DGKB: variants seen among roughly 807,000 people sequenced by gnomAD.
DGKB encodes the protein diacylglycerol kinase beta.
A neutral mutation model predicts 114.3 loss-of-function variants in DGKB; 67 were observed. The observed-to-expected ratio is 0.59, with a 90% CI of 0.48 to 0.72. The LOEUF (loss-of-function observed/expected upper bound fraction) is 0.72, where lower values mean the gene tolerates loss of function less well. Ranked by LOEUF, DGKB falls within the 30% of genes least tolerant of loss-of-function variation. DGKB has a pLI of 0.00. For missense variants in DGKB, 907 were observed against 975.2 expected, an observed-to-expected ratio of 0.93 and a Z score of 0.93; for synonymous variants, 398 against 323.1, an observed-to-expected ratio of 1.23 and a Z score of -2.49.
chr7:14,484,372 A>T (rs935391615), intron 20 of DGKB, among the ~76,000 whole-genome samples: 1 of 152,072 alleles, frequency 6.6e-6, no homozygotes, highest in Non-Finnish European at 1.5e-5. Flanking sequence ...CCAGTGTTGG[A>T]GGTGGGGCCT....
chr7:14,191,203 T>G (rs548812124), intron 23 of DGKB: 1 of 161,076 alleles, frequency 6.2e-6, no homozygotes, highest in East Asian at 1.7e-4. Flanking sequence ...CGTATGAGCA[T>G]GCATTTCTGG....
chr7:14,601,351 G>T (rs1485359906), intron 17 of DGKB, among the ~76,000 whole-genome samples: 1 of 152,124 alleles, frequency 6.6e-6, no homozygotes, highest in Non-Finnish European at 1.5e-5. Context: ...CCTGTGATGG[G>T]AGTGGCAGCC....
At chr7:14,711,194 A>G (rs2128334763) in intron 6 of DGKB, among the ~76,000 whole-genome samples, 1 of 152,222 alleles carries the variant, frequency 6.6e-6, no homozygotes, top group South Asian at 2.1e-4. Flanking sequence ...ACACATTAAC[A>G]AGAGTTAATG....
chr7:14,312,330 G>C (rs1042628804), intron 23 of DGKB, among the ~76,000 whole-genome samples: 2 of 152,162 alleles, frequency 1.3e-5, no homozygotes, highest in African/African-American at 4.8e-5. Flanking sequence ...GATTAATGAG[G>C]TCAAAATTAT....
chr7:14,625,861 A>T (rs1307185128), intron 14 of DGKB, among the ~76,000 whole-genome samples: 1 of 152,216 alleles, frequency 6.6e-6, no homozygotes, highest in Non-Finnish European at 1.5e-5. Context: ...AGCATTTTCA[A>T]ATATCAACCA....
intron 25 of DGKB, among the ~76,000 whole-genome samples, chr7:14,169,314 G>A (rs529062675): frequency 3.4e-5 from 5 of 144,930 alleles, no homozygotes; most frequent in South Asian, 2.2e-4. Flanking sequence ...GCAGTGAGCC[G>A]AGATGGCACC....
chr7:14,462,428 T>C (rs892915422), intron 21 of DGKB, among the ~76,000 whole-genome samples: 2 of 152,076 alleles, frequency 1.3e-5, no homozygotes, highest in Admixed American at 1.3e-4. Context: ...AAAATCAATG[T>C]GCAAAAATCA....
chr7:14,418,053 T>C (rs118087558), intron 21 of DGKB, among the ~76,000 whole-genome samples: 2,212 of 150,724 alleles, frequency 0.015, 21 homozygotes, highest in Non-Finnish European at 0.022. Context: ...CTGGTGTTTG[T>C]AGGACTCTGT....
intron 23 of DGKB, among the ~76,000 whole-genome samples, chr7:14,194,799 ACTATAACTTTGTTTTTATG>A (rs1476326774): frequency 1.3e-5 from 2 of 152,120 alleles, no homozygotes; most frequent in East Asian, 3.9e-4. Context: ...GCCGGAGCTG[ACTATAACTTTGTTTTTATG>A]CTAAAATTCT....
intron 20 of DGKB, among the ~76,000 whole-genome samples, chr7:14,495,895 T>C (rs926799270): frequency 6.6e-5 from 10 of 151,802 alleles, no homozygotes; most frequent in Admixed American, 1.3e-4. Flanking sequence ...AAATGATTAA[T>C]TGCAAATTTG....
intron 10 of DGKB, 145 bp from the exon 11 acceptor site, chr7:14,682,986 T>C: frequency 1.6e-6 from 1 of 638,614 alleles, no homozygotes; most frequent in Admixed American, 2.8e-5. Context: ...GAAGTCCAAG[T>C]CGACTGTTTT....
At chr7:14,335,531 A>T (rs1391066463) in intron 23 of DGKB, among the ~76,000 whole-genome samples, 1 of 152,202 alleles carries the variant, frequency 6.6e-6, no homozygotes, top group Non-Finnish European at 1.5e-5. Context: ...AGAAAGAACA[A>T]GAAGAAAATT....
chr7:14,473,680 C>T (rs895506600), intron 21 of DGKB, among the ~76,000 whole-genome samples: 1 of 152,142 alleles, frequency 6.6e-6, no homozygotes, highest in East Asian at 1.9e-4. Flanking sequence ...GGGGACTATA[C>T]CCTGCAAAGC....
At chr7:14,744,924 G>A (rs1278676948) in intron 4 of DGKB, among the ~76,000 whole-genome samples, 5 of 152,058 alleles carry the variant, frequency 3.3e-5, no homozygotes, top group Non-Finnish European at 5.9e-5. Context: ...GAAACAAAAG[G>A]CATGGGTAAT....
At chr7:14,414,083 A>G (rs1825323057) in intron 21 of DGKB, among the ~76,000 whole-genome samples, 2 of 152,324 alleles carry the variant, frequency 1.3e-5, no homozygotes, top group African/African-American at 4.8e-5. Flanking sequence ...GAAAAGAAAT[A>G]TTAAATAGAT....
chr7:14,469,295 G>C (rs1780932322), intron 21 of DGKB, among the ~76,000 whole-genome samples: 1 of 152,050 alleles, frequency 6.6e-6, no homozygotes, highest in South Asian at 2.1e-4. Context: ...GGGCTCCTTA[G>C]TAAATGTTTG....
At chr7:14,932,235 T>C in intron 1 of DGKB, among the ~76,000 whole-genome samples, 1 of 152,176 alleles carries the variant, frequency 6.6e-6, no homozygotes, top group South Asian at 2.1e-4. Flanking sequence ...GATTTACTCC[T>C]GATTCCCAGC....
At chr7:14,629,004 A>G (rs1444413246) in intron 14 of DGKB, among the ~76,000 whole-genome samples, 1 of 152,152 alleles carries the variant, frequency 6.6e-6, no homozygotes, top group African/African-American at 2.4e-5. Context: ...CACAAATTAT[A>G]TAACTGAATG....
chr7:14,224,900 G>A (rs922587489), intron 23 of DGKB, among the ~76,000 whole-genome samples: 3 of 151,986 alleles, frequency 2.0e-5, no homozygotes, highest in African/African-American at 7.2e-5. Flanking sequence ...TGCATAGATT[G>A]CTTGACCAAC....
Sources: gnomAD v4.1 joint callset for allele counts (sites outside exome capture counted in the v4.1 genomes callset) on GRCh38, gnomAD v4.1.1 for gene constraint, MANE v1.5 for transcripts, NCBI Gene and HGNC (gene_info 2026-07-23, HGNC 2026-07-21) for gene names.